ZNF250: variants seen among roughly 807,000 people sequenced by gnomAD.
The protein encoded by ZNF250 is zinc finger protein 250.
ZNF250 carries 13 observed loss-of-function variants against 37.1 expected under a neutral mutation model. The ratio of observed to expected loss-of-function variants is 0.35; its 90% CI spans 0.23 to 0.56. The LOEUF (loss-of-function observed/expected upper bound fraction) is 0.56. Ranked by LOEUF, ZNF250 falls within the 20% of genes least tolerant of loss-of-function variation. The pLI is 0.87. For missense variants in ZNF250, 474 were observed against 697.9 expected, an observed-to-expected ratio of 0.68 and a Z score of 3.61; for synonymous variants, 251 against 265.6, an observed-to-expected ratio of 0.94 and a Z score of 0.54.
intron 1 of ZNF250, among the ~76,000 whole-genome samples, chr8:144,899,144 C>A (rs1832921157): frequency 6.6e-6 from 1 of 151,794 alleles, no homozygotes; most frequent in Non-Finnish European, 1.5e-5. Flanking sequence ...ACAAATATTG[C>A]ATGTTTTCAC....
chr8:144,889,816 A>C, intron 3 of ZNF250, 117 bp downstream of exon 3: 4 of 1,463,746 alleles, frequency 2.7e-6, no homozygotes, highest in Non-Finnish European at 3.7e-6. Flanking sequence ...CTGAGCACCC[A>C]GAGAGGTGAT....
chr8:144,881,051 CT>C lies in ZNF250; in HGVS notation c.*463del, dbSNP rs1167446617. On this transcript the variant is annotated 3_prime_UTR_variant, in exon 6 of 6. Transcript: ENST00000417550. ...TTTATATCACTTTATCCATACAATACTTTAGTCTTTTAAGAGAATACTGAAA... is the reference window on the plus strand; with the variant it reads ...TTTATATCACTTTATCCATACAATACTTAGTCTTTTAAGAGAATACTGAAA... 3 of 162,578 alleles carry C rather than the reference CT, an allele frequency of 1.8e-5. No homozygotes were observed. In the East Asian group the frequency reaches 5.3e-4, roughly 29 times the overall value. The allele number at this position is 162,578 out of a possible 1,614,324, so 10.1% of individuals were successfully genotyped here. A position where few individuals can be genotyped will look rare whatever the true frequency, so the allele number is the denominator to read the frequency against.
intron 1 of ZNF250, among the ~76,000 whole-genome samples, chr8:144,896,801 T>C (rs1342866798): frequency 6.6e-6 from 1 of 152,138 alleles, no homozygotes; most frequent in East Asian, 1.9e-4. Flanking sequence ...GAAGTGGAGT[T>C]TGAGGAGCCC....
At chr8:144,892,576 C>CA (rs1832420112) in intron 1 of ZNF250, among the ~76,000 whole-genome samples, 1 of 151,214 alleles carries the variant, frequency 6.6e-6, no homozygotes, top group Non-Finnish European at 1.5e-5. Flanking sequence ...TTTTTTGAGA[C>CA]AGAGTTTCAC....
rs941784835 is a variant in ZNF250 at position 144,878,120 on chromosome 8, C to G, written c.*3395G>C. ...ATTGAGGTGACCTCAGGTTTCTGGA[C>G]TTTCATCTCAGTGATCTCATCTAGG... On this transcript the variant is annotated 3_prime_UTR_variant, in exon 6 of 6. Transcript: ENST00000417550. 2.0e-5 allele frequency: 3 copies of G among 152,214 alleles called. No homozygotes were observed. In the South Asian group the frequency reaches 6.2e-4, roughly 32 times the overall value. 9.4% of individuals were successfully genotyped at this position (152,214 alleles called of 1,614,324 possible).
In ZNF250 at chr8:144,882,463, G is replaced by A; in HGVS notation, c.720C>T (p.His240=). The A allele has an allele frequency of 6.2e-7, 1 of 1,614,020 alleles. No individual in the cohort carries two copies. ...AFSQSSVLSK[H]RRIHTGEKPY... is the part of the protein sequence containing the mutation. ...GCTTCTCACCTGTGTGAATTCTCCT[G>A]TGTTTACTAAGGACTGAGCTCTGGC... Residue 240 remains histidine, a synonymous_variant, in exon 6 of 6, where the codon CAC becomes CAT. Transcript: ENST00000417550. This position sits in a 1 kb window ranked among gnomAD's most constrained non-coding sequence, Gnocchi z 5.5.
chr8:144,884,369 A>T (rs1351687669), intron 5 of ZNF250, among the ~76,000 whole-genome samples: 1 of 152,172 alleles, frequency 6.6e-6, no homozygotes, highest in Non-Finnish European at 1.5e-5. Context: ...CTCCTGCCTC[A>T]GCCTCCCCAG....
intron 1 of ZNF250, among the ~76,000 whole-genome samples, chr8:144,900,315 G>C (rs1224303767): frequency 6.6e-6 from 1 of 152,080 alleles, no homozygotes; most frequent in Non-Finnish European, 1.5e-5. Context: ...TGAAAAATCT[G>C]CGAGTACCCA....
intron 4 of ZNF250, 94 bp from the exon 5 acceptor site, chr8:144,886,996 C>T (rs1356535576): frequency 1.9e-5 from 22 of 1,162,562 alleles, no homozygotes; most frequent in Middle Eastern, 2.0e-4. Context: ...TCTGTAATCC[C>T]AGCACTTTGG....
intron 1 of ZNF250, among the ~76,000 whole-genome samples, chr8:144,892,793 G>A (rs1832435572): frequency 6.6e-6 from 1 of 151,880 alleles, no homozygotes; most frequent in East Asian, 1.9e-4. Context: ...CCCGACCTCA[G>A]GTGATCCGCC....
rs1832265106 is a variant in ZNF250, at chr8:144,890,600, C to T, written c.-54-197G>A. On this transcript the variant is annotated intron_variant, in intron 1 of 5. Coordinates refer to ENST00000417550, the MANE Select transcript of ZNF250 (RefSeq NM_001109689.4). The surrounding 1 kb of genome is among the most constrained non-coding windows in gnomAD (Gnocchi z 5.1). The stretch of plus-strand genomic sequence containing the variant: ...CTGACCCTATGGTTCAGGAGCCTGT[C>T]CAGGCCCTGAACACACAGTTCCTGG... Among the ~76,000 whole-genome samples the T allele has an allele frequency of 6.6e-6, 1 of 152,090 alleles. No homozygotes were observed. Among genetic ancestry groups the T allele is most frequent in the South Asian group, 2.1e-4 (1 of 4,824 alleles).
intron 1 of ZNF250, among the ~76,000 whole-genome samples, chr8:144,899,299 G>A (rs1319773309): frequency 6.6e-6 from 1 of 152,074 alleles, no homozygotes; most frequent in East Asian, 1.9e-4. Context: ...CAGATATAAT[G>A]AATAAGTTCC....
Position 144,890,096 on chromosome 8 carries a change from C to T in ZNF250, c.43-37G>A. 1 of 1,602,520 alleles carries T rather than the reference C, an allele frequency of 6.2e-7. No homozygotes were observed. Among genetic ancestry groups the T allele is most frequent in the Middle Eastern group, 1.7e-4 (1 of 6,052 alleles). On this transcript the variant is annotated intron_variant, in intron 2 of 5. Transcript: ENST00000417550. This position sits in a 1 kb window ranked among gnomAD's most constrained non-coding sequence, Gnocchi z 5.1. ...GGGGCTGCTGCAGGTAAAACCAAAT[C>T]CTGATGTCTGTGATGGGGAGTGGGT...
chr8:144,887,161 A>G (rs573810308), intron 4 of ZNF250, among the ~76,000 whole-genome samples: 39 of 150,838 alleles, frequency 2.6e-4, no homozygotes, highest in African/African-American at 8.6e-4. Flanking sequence ...GAGGCAGGAG[A>G]ATCGCTTGAA....
At chr8:144,896,808 G>C (rs1410690697) in intron 1 of ZNF250, among the ~76,000 whole-genome samples, 1 of 152,126 alleles carries the variant, frequency 6.6e-6, no homozygotes, top group African/African-American at 2.4e-5. Flanking sequence ...AGTTTGAGGA[G>C]CCCCCTCTTG....
chr8:144,882,152 C>A lies in ZNF250; in HGVS notation c.1031G>T (p.Ser344Ile). 1.2e-6 allele frequency: 2 copies of A among 1,614,028 alleles called. No individual in the cohort carries two copies. The highest frequency in any genetic ancestry group is 8.5e-7 in the Non-Finnish European group (1 of 1,179,994). The change falls in exon 6 of 6, where the codon AGT (serine) becomes ATT (isoleucine). Residue 344 changes from serine to isoleucine, a missense_variant. Ser to Ile is a moderately radical substitution (Grantham distance 142). Transcript: ENST00000417550. This position sits in a 1 kb window ranked among gnomAD's most constrained non-coding sequence, Gnocchi z 5.5. ...GTGCTGCAGCAGTGTCCTCTTCACA[C>A]TGAAGGTTTTCCCACACTCATTGCA... ...HRCNECGKTF[S>I]VKRTLLQHQR...
chr8:144,890,141 A>G lies in ZNF250; in HGVS notation c.43-82T>C, dbSNP rs1171943277. On this transcript the variant is annotated intron_variant, in intron 2 of 5. Coordinates refer to ENST00000417550, the MANE Select transcript of ZNF250 (RefSeq NM_001109689.4). This position sits in a 1 kb window ranked among gnomAD's most constrained non-coding sequence, Gnocchi z 5.1. The stretch of plus-strand genomic sequence containing the variant: ...GTGGGTGCATGTGACATGTGACATG[A>G]GCAGTTGGCAGTGGGGGGCTCTGTG... The G allele has an allele frequency of 1.9e-6, 3 of 1,564,432 alleles. No homozygotes were observed. Among genetic ancestry groups the G allele is most frequent in the Non-Finnish European group, 2.6e-6 (3 of 1,152,644 alleles).
intron 1 of ZNF250, among the ~76,000 whole-genome samples, chr8:144,900,084 C>A (rs552253573): frequency 6.6e-6 from 1 of 152,250 alleles, no homozygotes; most frequent in South Asian, 2.1e-4. Context: ...TATGAGCTGG[C>A]AAATCACAAA....
rs755575966 is a variant in ZNF250, at chr8:144,890,014, C to A, written c.88G>T (p.Glu30Ter). The change falls in exon 3 of 6, where the codon GAA (glutamate) becomes TAA (stop). Residue 30 changes from glutamate to a stop codon, truncating the protein, a stop_gained. Transcript: ENST00000417550. LOFTEE classifies it high-confidence loss of function. The surrounding 1 kb of genome is among the most constrained non-coding windows in gnomAD (Gnocchi z 5.1). ...TGAGCAGGGCACAGGCGGTCCCATT[C>A]ATCCTGGGAGAGGAGCACAGCCACA... Reference protein sequence around the residue: ...EDVAVLLSQDEWDRLCPAQRG... With the variant: ...EDVAVLLSQD 1.2e-6 allele frequency: 2 copies of A among 1,613,268 alleles called. No homozygotes were observed. Among genetic ancestry groups the A allele is most frequent in the Non-Finnish European group, 1.7e-6 (2 of 1,179,558 alleles).
Sources: allele counts gnomAD v4.1 joint callset (sites outside exome capture counted in the v4.1 genomes callset), GRCh38; gene constraint gnomAD v4.1.1; non-coding constraint Gnocchi (gnomAD v3.1); transcripts MANE v1.5; gene names NCBI Gene and HGNC (gene_info 2026-07-23, HGNC 2026-07-21).